AHR: variants seen among roughly 807,000 people sequenced by gnomAD.
The protein encoded by AHR is AH-receptor.
In AHR, 40 loss-of-function variants were observed where a neutral mutation model predicts 86.8. The observed-to-expected ratio is 0.46, with a 90% CI of 0.36 to 0.60. The LOEUF is 0.60. AHR is among the 20% of genes least tolerant of loss of function. AHR has a pLI of 0.00. For synonymous variants in AHR, 398 were observed against 354.9 expected, an observed-to-expected ratio of 1.12 and a Z score of -1.37; for missense variants, 1,001 against 1,011.6, an observed-to-expected ratio of 0.99 and a Z score of 0.14.
intron 2 of AHR, among the ~76,000 whole-genome samples, chr7:17,313,646 A>C (rs1248784010): frequency 1.3e-5 from 2 of 152,068 alleles, no homozygotes; most frequent in Non-Finnish European, 2.9e-5. Context: ...AATTAATTAA[A>C]ACATATTGAA....
At chr7:17,321,138 A>G (rs1006658167) in intron 2 of AHR, among the ~76,000 whole-genome samples, 1 of 152,114 alleles carries the variant, frequency 6.6e-6, no homozygotes, top group Non-Finnish European at 1.5e-5. Flanking sequence ...AGTCAGTTTT[A>G]TTTAATGGTT....
At position 17,339,114 on chromosome 7, in the gene AHR, G is replaced by C. The variant is rs1316842798; in HGVS notation, c.1289G>C (p.Arg430Thr). Residue 430 changes from arginine to threonine, a missense_variant, in exon 10 of 11, where the codon AGG (arginine) becomes ACG (threonine). Transcript: ENST00000242057. ...FPAIMDPLPLRTKNGTSGKDS... is the reference protein window; with the variant it reads ...FPAIMDPLPLTTKNGTSGKDS... ...GCCATAATGGATCCCTTACCACTAA[G>C]GACTAAAAATGGCACTAGTGGAAAA... 6.2e-7 allele frequency: 1 copy of C among 1,613,942 alleles called. No homozygotes were observed.
chr7:17,312,757 A>T (rs1008436681), intron 2 of AHR, among the ~76,000 whole-genome samples: 9 of 152,206 alleles, frequency 5.9e-5, no homozygotes, highest in African/African-American at 2.2e-4. Flanking sequence ...CATCAACTAC[A>T]TTATCATTAT....
At position 17,342,848 on chromosome 7, in the gene AHR, T is replaced by C. The variant is rs1180675674; in HGVS notation, c.2404-73T>C. 4.9e-6 allele frequency: 7 copies of C among 1,420,494 alleles called. No homozygotes were observed. In the Admixed American group the frequency reaches 1.0e-4, roughly 20 times the overall value. The allele number at this position is 1,420,494 out of a possible 1,614,324, so 88.0% of individuals were successfully genotyped here. A position where few individuals can be genotyped will look rare whatever the true frequency, so the allele number is the denominator to read the frequency against. ...AGGGGTAAGATTTTAAAAATACATG[T>C]TAATGTTATTTACTGGCTTAAGATA... On this transcript the variant is annotated intron_variant, in intron 10 of 10. Transcript: ENST00000242057.
intron 4 of AHR, among the ~76,000 whole-genome samples, chr7:17,329,526 A>C (rs1472951827): frequency 1.3e-5 from 2 of 151,896 alleles, no homozygotes. Flanking sequence ...TATGAAGAAA[A>C]TTTTAGAGAA....
intron 9 of AHR, among the ~76,000 whole-genome samples, chr7:17,336,442 A>G (rs902586814): frequency 3.3e-5 from 5 of 152,070 alleles, no homozygotes; most frequent in Admixed American, 2.0e-4. Flanking sequence ...TAGTTATTCT[A>G]TCTTTATTAT....
At chr7:17,332,018 T>G (rs1454717670) in intron 6 of AHR, among the ~76,000 whole-genome samples, 1 of 151,902 alleles carries the variant, frequency 6.6e-6, no homozygotes, top group Non-Finnish European at 1.5e-5. Context: ...GTATGTAGAG[T>G]CATGTCCTGC....
In AHR at chr7:17,339,697, A is replaced by C; in HGVS notation, c.1872A>C (p.Gln624His). Residue 624 changes from glutamine to histidine, a missense_variant, in exon 10 of 11, where the codon CAA becomes CAC. Transcript: ENST00000242057. The stretch of plus-strand genomic sequence containing the variant: ...ACCTACATCTAGAACAGCAACAGCA[A>C]CATCACCAAAAGCAAGTAGTAGTGG... Reference protein sequence around the residue: ...QEHLHLEQQQQHHQKQVVVEP... With the variant: ...QEHLHLEQQQHHHQKQVVVEP... 1.2e-6 allele frequency: 2 copies of C among 1,614,184 alleles called. No individual in the cohort carries two copies. Among genetic ancestry groups the C allele is most frequent in the Non-Finnish European group, 1.7e-6 (2 of 1,180,018 alleles).
chr7:17,308,529 G>A (rs1584030176), intron 1 of AHR, among the ~76,000 whole-genome samples: 1 of 152,174 alleles, frequency 6.6e-6, no homozygotes, highest in South Asian at 2.1e-4. Context: ...TATAGGTAAA[G>A]TTTGAAATTC....
At chr7:17,322,470 T>C in intron 2 of AHR, 31 bp from the exon 3 acceptor site, 1 of 1,456,590 alleles carries the variant, frequency 6.9e-7, no homozygotes, top group East Asian at 2.3e-5. Context: ...TGCTTACTTT[T>C]AAAATCATTG....
chr7:17,302,902 A>G (rs1275107244), intron 1 of AHR, among the ~76,000 whole-genome samples: 2 of 152,026 alleles, frequency 1.3e-5, no homozygotes, highest in East Asian at 3.8e-4. Flanking sequence ...TTATCACAGA[A>G]CAATCAATTC....
In AHR at chr7:17,309,965, A is replaced by G; in HGVS notation, c.95A>G (p.Lys32Arg). The G allele has an allele frequency of 1.2e-6, 2 of 1,603,460 alleles. No individual in the cohort carries two copies. Among genetic ancestry groups the G allele is most frequent in the South Asian group, 1.1e-5 (1 of 89,626 alleles). ...AAGCCAATCCCAGCTGAAGGAATCAAGTCAAATCCTTCCAAGCGGCATAGA... is the reference window on the plus strand; with the variant it reads ...AAGCCAATCCCAGCTGAAGGAATCAGGTCAAATCCTTCCAAGCGGCATAGA... ...TVKPIPAEGI[K>R]SNPSKRHRDR... Residue 32 changes from lysine (K) to arginine (R), a missense_variant, in exon 2 of 11, where the codon AAG becomes AGG. Around this residue, in one of 2 missense-constraint regions of AHR, gnomAD observed 394 missense variants for 468.5 expected, o/e 0.84. Coordinates refer to ENST00000242057, the MANE Select transcript of AHR (RefSeq NM_001621.5).
chr7:17,309,305 A>C (rs750444605), intron 1 of AHR, among the ~76,000 whole-genome samples: 1 of 152,216 alleles, frequency 6.6e-6, no homozygotes, highest in African/African-American at 2.4e-5. Context: ...TTAACCTCTA[A>C]TATTTGCCAA....
intron 1 of AHR, among the ~76,000 whole-genome samples, chr7:17,301,281 G>A (rs1284727912): frequency 6.6e-6 from 1 of 151,932 alleles, no homozygotes; most frequent in Non-Finnish European, 1.5e-5. Flanking sequence ...TTACCTGAAT[G>A]AAAAATTGTT....
At position 17,335,797 on chromosome 7, in the gene AHR, A is replaced by G. The variant is rs1410000668; in HGVS notation, c.1160+11A>G. ...TCAGAGACCACTAACGTAAGCACAA[A>G]TAATGTTTCCTGTTTTAACAGTTTT... On this transcript the variant is annotated intron_variant, in intron 9 of 10. Transcript: ENST00000242057. 3.7e-6 allele frequency: 6 copies of G among 1,606,926 alleles called. No individual in the cohort carries two copies. The African/African-American group carries it at 5.4e-5, about 14-fold the overall frequency.
intron 6 of AHR, among the ~76,000 whole-genome samples, chr7:17,332,727 T>A (rs1044468572): frequency 5.3e-5 from 8 of 151,994 alleles, no homozygotes; most frequent in African/African-American, 1.4e-4. Flanking sequence ...CAGTAAACTG[T>A]GCTGGGATTA....
intron 2 of AHR, among the ~76,000 whole-genome samples, chr7:17,314,617 C>G (rs1048134674): frequency 2.0e-5 from 3 of 152,014 alleles, no homozygotes; most frequent in African/African-American, 7.2e-5. Context: ...GTTTTGGTAT[C>G]TCTCTAGATC....
intron 1 of AHR, among the ~76,000 whole-genome samples, chr7:17,304,521 G>A (rs1394676001): frequency 2.6e-5 from 4 of 152,006 alleles, no homozygotes; most frequent in African/African-American, 9.7e-5. Flanking sequence ...TCTTGTTTTG[G>A]TGTGGTTTTC....
At chr7:17,303,147 G>C (rs1027716510) in intron 1 of AHR, among the ~76,000 whole-genome samples, 1 of 152,000 alleles carries the variant, frequency 6.6e-6, no homozygotes, top group Non-Finnish European at 1.5e-5. Flanking sequence ...AAAGATGACT[G>C]TTTATTAGCA....
Sources: allele counts gnomAD v4.1 joint callset (sites outside exome capture counted in the v4.1 genomes callset), GRCh38; gene constraint gnomAD v4.1.1; regional missense constraint gnomAD v4.1.1; transcripts MANE v1.5; gene names NCBI Gene and HGNC (gene_info 2026-07-23, HGNC 2026-07-21).